Variants in SLC12A3 observed in about 807,000 individuals in gnomAD.
The protein encoded by SLC12A3 is Na-Cl cotransporter.
SLC12A3 carries 104 observed loss-of-function variants against 121.0 expected under a neutral mutation model. That is an observed-to-expected ratio of 0.86 (90% CI 0.73 to 1.01). The LOEUF is 1.01. Ranked by LOEUF, SLC12A3 falls within the 50% of genes least tolerant of loss-of-function variation. SLC12A3 has a pLI of 0.00. For synonymous variants in SLC12A3, 536 were observed against 533.4 expected (o/e 1.00, Z -0.07); for missense variants, 1,328 against 1,356.3 (o/e 0.98, Z 0.33).
intron 18 of SLC12A3, 90 bp from the exon 19 acceptor site, chr16:56,890,184 C>T: frequency 1.1e-6 from 1 of 947,062 alleles, no homozygotes; most frequent in East Asian, 2.4e-5. Context: ...GGAAGCAGAG[C>T]CAACTCTAGA....
At chr16:56,866,118 T>C (rs1400024955) in intron 1 of SLC12A3, among the ~76,000 whole-genome samples, 1 of 151,958 alleles carries the variant, frequency 6.6e-6, no homozygotes, top group East Asian at 1.9e-4. Context: ...CCCGAGTAGC[T>C]GGGATTACAG....
chr16:56,894,852 C>G (rs1415255527), intron 22 of SLC12A3, among the ~76,000 whole-genome samples: 1 of 152,120 alleles, frequency 6.6e-6, no homozygotes, highest in Non-Finnish European at 1.5e-5. Context: ...TTCTGGTTTC[C>G]TGCCCCCTTC....
intron 7 of SLC12A3, 43 bp downstream of exon 7, chr16:56,872,505 GAC>G: frequency 1.3e-6 from 2 of 1,591,880 alleles, no homozygotes. Context: ...TGGGGACAGG[GAC>G]TCTCTACCCA....
intron 21 of SLC12A3, 80 bp downstream of exon 21, chr16:56,893,134 CT>C (rs1376932344): frequency 2.5e-6 from 3 of 1,223,296 alleles, no homozygotes; most frequent in Non-Finnish European, 3.5e-6. Flanking sequence ...CCTTCCTGGC[CT>C]GCTCTCAAAG....
Position 56,869,817 on chromosome 16 carries a change from CA to C in SLC12A3, c.596del (p.Lys199SerfsTer103). On this transcript the variant is annotated frameshift_variant, in exon 4 of 26. Coordinates refer to ENST00000563236, the MANE Select transcript of SLC12A3 (RefSeq NM_001126108.2). LOFTEE classifies it high-confidence loss of function. Reference protein sequence around the residue: ...ISAISTNGKVKSGGTYFLISR... With the variant: ...ISAISTNGKVXSGGTYFLISR... Reference sequence around the variant, plus strand: ...CAGCCATCTCCACCAATGGCAAGGTCAAGTCAGGTGGGCCATCCCCCTTTCC... The same window carrying C: ...CAGCCATCTCCACCAATGGCAAGGTCAGTCAGGTGGGCCATCCCCCTTTCC... The C allele has an allele frequency of 6.2e-7, 1 of 1,613,842 alleles. No homozygotes were observed. Among genetic ancestry groups the C allele is most frequent in the Non-Finnish European group, 8.5e-7 (1 of 1,179,756 alleles).
rs1415450792 is a variant in SLC12A3, at chr16:56,913,406, C to T, written c.*1C>T. On this transcript the variant is annotated 3_prime_UTR_variant, in exon 26 of 26. Coordinates refer to ENST00000563236, the MANE Select transcript of SLC12A3 (RefSeq NM_001126108.2). ...CGTGCTCACCTTTTACTGCCAGTAA[C>T]TCCAGGCTTTGACATCCCTGTCCAC... is the stretch of plus-strand genomic sequence containing the variant. 4 of 1,614,176 alleles carry T rather than the reference C, an allele frequency of 2.5e-6. No individual in the cohort carries two copies. Among genetic ancestry groups the T allele is most frequent in the Non-Finnish European group, 3.4e-6 (4 of 1,179,994 alleles).
intron 25 of SLC12A3, among the ~76,000 whole-genome samples, chr16:56,912,684 T>C (rs1203412697): frequency 6.6e-6 from 1 of 152,200 alleles, no homozygotes; most frequent in Non-Finnish European, 1.5e-5. Context: ...TCTGGCCTCC[T>C]TGTGAGCGAA....
chr16:56,872,702 T>A lies in SLC12A3; in HGVS notation c.1011T>A (p.Asp337Glu). 1 of 1,614,264 alleles carries A rather than the reference T, an allele frequency of 6.2e-7. No individual in the cohort carries two copies. Among genetic ancestry groups the A allele is most frequent in the South Asian group, 1.1e-5 (1 of 91,092 alleles). ...TGGTGCCTGACTGGCGGGGTCCAGA[T>A]GGCACCTTCTTCGGAATGTTCTCCA... ...QNLVPDWRGP[D>E]GTFFGMFSIF... Residue 337 changes from aspartate (D) to glutamate (E), a missense_variant, in exon 8 of 26, where the codon GAT (aspartate) becomes GAA (glutamate). Asp to Glu is a conservative substitution (Grantham distance 45). Coordinates refer to ENST00000563236, the MANE Select transcript of SLC12A3 (RefSeq NM_001126108.2).
chr16:56,882,246 G>A, intron 12 of SLC12A3, 150 bp from the exon 13 acceptor site: 1 of 713,868 alleles, frequency 1.4e-6, no homozygotes, highest in South Asian at 1.5e-5. Context: ...TCTCACAGAT[G>A]AGGTGGACCC....
intron 25 of SLC12A3, among the ~76,000 whole-genome samples, chr16:56,906,172 G>A (rs879640997): frequency 2.0e-5 from 3 of 152,174 alleles, no homozygotes; most frequent in Admixed American, 6.5e-5. Flanking sequence ...GGTGATAAAA[G>A]CAACTCAAAC....
intron 19 of SLC12A3, among the ~76,000 whole-genome samples, chr16:56,890,986 A>G (rs1010916017): frequency 6.6e-6 from 1 of 152,038 alleles, no homozygotes; most frequent in Admixed American, 6.6e-5. Context: ...ATATGAAAAT[A>G]CATAATGACC....
intron 21 of SLC12A3, among the ~76,000 whole-genome samples, chr16:56,894,105 G>A (rs1015045849): frequency 2.0e-5 from 3 of 151,840 alleles, no homozygotes; most frequent in Admixed American, 6.6e-5. Context: ...CTGAGCTCAA[G>A]TGATTCTCCT....
chr16:56,878,014 T>G (rs2055185365), intron 8 of SLC12A3, 63 bp from the exon 9 acceptor site: 1 of 700,306 alleles, frequency 1.4e-6, no homozygotes, highest in Non-Finnish European at 2.1e-6. Flanking sequence ...CTGCCTAATG[T>G]CCTCCGTCCC....
intron 18 of SLC12A3, among the ~76,000 whole-genome samples, chr16:56,889,943 G>A (rs186286107): frequency 6.0e-4 from 91 of 152,324 alleles, no homozygotes; most frequent in Admixed American, 1.3e-3. Context: ...TGCATCCATA[G>A]AATGGAGGGA....
Position 56,867,211 on chromosome 16 carries a change from G to T in SLC12A3, c.424G>T (p.Val142Leu), listed in dbSNP as rs1263244811. The part of the protein sequence containing the change: ...EPVRFGWVKG[V>L]MIRCMLNIWG... Reference sequence around the variant, plus strand: ...AGTGCGCTTCGGCTGGGTCAAGGGGGTGATGGTGAGTGGGGTGTGGGTGGT... The same window carrying T: ...AGTGCGCTTCGGCTGGGTCAAGGGGTTGATGGTGAGTGGGGTGTGGGTGGT... The change falls in exon 2 of 26, where the codon GTG becomes TTG. Residue 142 changes from valine to leucine, a missense_variant. Physicochemically the swap from Val to Leu is conservative, Grantham distance 32. Coordinates refer to ENST00000563236, the MANE Select transcript of SLC12A3 (RefSeq NM_001126108.2). 15 of 1,608,394 alleles carry T rather than the reference G, an allele frequency of 9.3e-6. No individual in the cohort carries two copies. The highest frequency in any genetic ancestry group is 1.3e-5 in the Non-Finnish European group (15 of 1,177,952).
chr16:56,906,677 C>G, intron 25 of SLC12A3: 1 of 470,242 alleles, frequency 2.1e-6, no homozygotes. Flanking sequence ...CCAAAATATA[C>G]AAGACCACAC....
At chr16:56,904,511 G>C (rs2055581869) in intron 25 of SLC12A3, 49 bp downstream of exon 25, 2 of 1,574,216 alleles carry the variant, frequency 1.3e-6, no homozygotes, top group East Asian at 4.5e-5. Flanking sequence ...AGAGTCAGGT[G>C]TCTCAGCTCT....
rs773922449 is a variant in SLC12A3 at position 56,868,342 on chromosome 16, C to T, written c.475C>T (p.Leu159=). The T allele has an allele frequency of 5.0e-6, 8 of 1,613,860 alleles. No individual in the cohort carries two copies. The highest frequency in any genetic ancestry group is 6.8e-6 in the Non-Finnish European group (8 of 1,179,942). ...TTGGGGCGTGATCCTCTACCTGCGGCTGCCCTGGATTACGGCCCAGGCAGG... is the reference window on the plus strand; with the variant it reads ...TTGGGGCGTGATCCTCTACCTGCGGTTGCCCTGGATTACGGCCCAGGCAGG... The part of the protein sequence containing the change: ...NIWGVILYLR[L]PWITAQAGIV... The change falls in exon 3 of 26, where the codon CTG becomes TTG. Residue 159 remains leucine (L), a synonymous_variant. Transcript: ENST00000563236.
intron 25 of SLC12A3, among the ~76,000 whole-genome samples, chr16:56,911,650 G>C (rs1410080183): frequency 2.0e-5 from 3 of 149,316 alleles, no homozygotes; most frequent in Non-Finnish European, 3.0e-5. Flanking sequence ...GGAGGGTAGG[G>C]CTTGTCCCAG....
Sources: allele counts gnomAD v4.1 joint callset (sites outside exome capture counted in the v4.1 genomes callset), GRCh38; gene constraint gnomAD v4.1.1; transcripts MANE v1.5; gene names NCBI Gene and HGNC (gene_info 2026-07-23, HGNC 2026-07-21).